The following MEGF9 variants were observed in gnomAD, a reference collection of about 807,000 sequenced individuals.
MEGF9 encodes the protein multiple epidermal growth factor-like domains protein 9.
In MEGF9, 6 loss-of-function variants were observed where a neutral mutation model predicts 46.8. The observed-to-expected ratio is 0.13, with a 90% CI of 0.07 to 0.25. The LOEUF (loss-of-function observed/expected upper bound fraction) is 0.25. Ranked by LOEUF, MEGF9 falls within the 10% of genes least tolerant of loss-of-function variation. The pLI is 1.00. For synonymous variants in MEGF9, 302 were observed against 330.7 expected (o/e 0.91, Z 0.94); for missense variants, 683 against 792.4 (o/e 0.86, Z 1.66).
At chr9:120,637,019 A>C (rs1379114516) in intron 2 of MEGF9, among the ~76,000 whole-genome samples, 1 of 152,220 alleles carries the variant, frequency 6.6e-6, no homozygotes, top group Non-Finnish European at 1.5e-5. Context: ...GAAAAGAGAG[A>C]TCAGATTGTT....
At chr9:120,621,373 G>T (rs999474180) in intron 3 of MEGF9, among the ~76,000 whole-genome samples, 2 of 152,148 alleles carry the variant, frequency 1.3e-5, no homozygotes, top group African/African-American at 4.8e-5. Flanking sequence ...TTCTCGAAAT[G>T]CTTCAGTTTG....
At chr9:120,651,850 A>C (rs1350294424) in intron 2 of MEGF9, among the ~76,000 whole-genome samples, 2 of 151,430 alleles carry the variant, frequency 1.3e-5, no homozygotes, top group East Asian at 3.9e-4. Flanking sequence ...ATGGGGTTTC[A>C]CCATGTTGGT....
intron 1 of MEGF9, among the ~76,000 whole-genome samples, chr9:120,698,709 GC>G (rs2043889897): frequency 6.6e-6 from 1 of 152,168 alleles, no homozygotes; most frequent in Non-Finnish European, 1.5e-5. Context: ...TAATGTATGT[GC>G]TGACTATTAA....
intron 3 of MEGF9, among the ~76,000 whole-genome samples, chr9:120,615,302 C>T (rs947087169): frequency 2.4e-4 from 36 of 147,368 alleles, no homozygotes; most frequent in Admixed American, 1.2e-3. Flanking sequence ...TGTGTGTACA[C>T]ACACACACAC....
rs12235130 is a variant in MEGF9, at chr9:120,641,712, G to A, written c.803+17662C>T. ...TGCTGGTCTGGGGACCATAATTAGA[G>A]AACTACTCTACTAAATTAACTGTAC... On this transcript the variant is annotated intron_variant, in intron 2 of 5. Coordinates refer to ENST00000373930, the MANE Select transcript of MEGF9 (RefSeq NM_001080497.3). Among the ~76,000 whole-genome samples, 3,802 of 152,270 alleles carry A rather than the reference G, an allele frequency of 0.025. 248 individuals are homozygous for A. In the East Asian group the frequency reaches 0.27, roughly 11 times the overall value.
chr9:120,633,909 T>C (rs1300694562), intron 2 of MEGF9, among the ~76,000 whole-genome samples: 1 of 152,190 alleles, frequency 6.6e-6, no homozygotes, highest in Non-Finnish European at 1.5e-5. Context: ...CCTCTAATTG[T>C]TGATTTCTAG....
intron 2 of MEGF9, among the ~76,000 whole-genome samples, chr9:120,640,749 AT>A (rs1393258455): frequency 1.3e-5 from 2 of 152,078 alleles, no homozygotes; most frequent in African/African-American, 4.8e-5. Flanking sequence ...GGGGCTACAT[AT>A]GCAGGTTGGT....
At chr9:120,685,903 C>T (rs2043820139) in intron 1 of MEGF9, among the ~76,000 whole-genome samples, 1 of 152,060 alleles carries the variant, frequency 6.6e-6, no homozygotes, top group African/African-American at 2.4e-5. Flanking sequence ...TGAAGGAAAT[C>T]CTGTCACATG....
At chr9:120,669,975 T>A (rs1052307364) in intron 1 of MEGF9, among the ~76,000 whole-genome samples, 1 of 152,152 alleles carries the variant, frequency 6.6e-6, no homozygotes, top group African/African-American at 2.4e-5. Context: ...TAATCCAGAA[T>A]TGGAATAATT....
intron 1 of MEGF9, among the ~76,000 whole-genome samples, chr9:120,677,222 T>G (rs1330058344): frequency 6.6e-6 from 1 of 151,984 alleles, no homozygotes; most frequent in Non-Finnish European, 1.5e-5. Context: ...TCAACCTCCT[T>G]GCCTCAGGTT....
intron 3 of MEGF9, among the ~76,000 whole-genome samples, chr9:120,619,043 C>T (rs1167284595): frequency 6.6e-6 from 1 of 151,862 alleles, no homozygotes; most frequent in Non-Finnish European, 1.5e-5. Flanking sequence ...TGCTATATAT[C>T]ATTCTTTAAA....
At chr9:120,607,662 TAGA>T in intron 5 of MEGF9, 76 bp downstream of exon 5, 1 of 1,468,758 alleles carries the variant, frequency 6.8e-7, no homozygotes, top group Non-Finnish European at 9.4e-7. Context: ...CTGGTAGGGT[TAGA>T]AGGTTTTACA....
chr9:120,702,024 C>G (rs1433432405), intron 1 of MEGF9, among the ~76,000 whole-genome samples: 2 of 149,540 alleles, frequency 1.3e-5, no homozygotes, highest in Non-Finnish European at 3.0e-5. Flanking sequence ...GCCTAGGCGA[C>G]AGAGCAAGAC....
intron 1 of MEGF9, among the ~76,000 whole-genome samples, chr9:120,661,593 G>C (rs373139503): frequency 4.5e-4 from 68 of 152,210 alleles, no homozygotes; most frequent in Non-Finnish European, 6.9e-4. Flanking sequence ...TTCAAACTTG[G>C]GTGGTTCACA....
At chr9:120,710,717 C>A (rs1564433014) in intron 1 of MEGF9, among the ~76,000 whole-genome samples, 1 of 152,184 alleles carries the variant, frequency 6.6e-6, no homozygotes, top group Admixed American at 6.5e-5. Context: ...AAATACTGTA[C>A]AACCATCTTC....
At chr9:120,622,047 C>A (rs948045184) in intron 3 of MEGF9, among the ~76,000 whole-genome samples, 1 of 152,168 alleles carries the variant, frequency 6.6e-6, no homozygotes, top group African/African-American at 2.4e-5. Context: ...AGCAGGCCCT[C>A]TCTTTCTAAA....
intron 2 of MEGF9, among the ~76,000 whole-genome samples, chr9:120,642,034 C>T (rs1316845785): frequency 4.6e-5 from 7 of 152,196 alleles, no homozygotes; most frequent in Non-Finnish European, 8.8e-5. Context: ...GTCCATGACA[C>T]TTGCTTTCAG....
rs2043409102 is a variant in MEGF9, at chr9:120,604,089, A to C, written c.*1101T>G. 1 of 152,636 alleles carries C rather than the reference A, an allele frequency of 6.6e-6. No individual in the cohort carries two copies. Among genetic ancestry groups the C allele is most frequent in the Admixed American group, 6.6e-5 (1 of 15,266 alleles). 9.5% of individuals were successfully genotyped at this position (152,636 alleles called of 1,614,324 possible). On this transcript the variant is annotated 3_prime_UTR_variant, in exon 6 of 6. Coordinates refer to ENST00000373930, the MANE Select transcript of MEGF9 (RefSeq NM_001080497.3). ...AGGGTGGCTAATGTCTAATTAGATT[A>C]ATGTTTTTGGAGAATGCATCCTATG...
chr9:120,685,013 T>A (rs2043815926), intron 1 of MEGF9, among the ~76,000 whole-genome samples: 1 of 152,114 alleles, frequency 6.6e-6, no homozygotes, highest in South Asian at 2.1e-4. Flanking sequence ...TTTTTGTATT[T>A]TTAGTAGAGA....
Sources: gnomAD v4.1 joint callset for allele counts (sites outside exome capture counted in the v4.1 genomes callset) on GRCh38, gnomAD v4.1.1 for gene constraint, MANE v1.5 for transcripts, NCBI Gene and HGNC (gene_info 2026-07-23, HGNC 2026-07-21) for gene names.